The following CELSR3 variants were observed in gnomAD, a reference collection of about 807,000 sequenced individuals.
CELSR3 encodes the protein EGF-like protein 1.
A neutral mutation model predicts 270.0 loss-of-function variants in CELSR3; 73 were observed. The ratio of observed to expected loss-of-function variants is 0.27; its 90% CI spans 0.22 to 0.33. The LOEUF (loss-of-function observed/expected upper bound fraction) is 0.33, where lower values mean the gene tolerates loss of function less well. Among genes scored for constraint, CELSR3 ranks in the 10% least tolerant of loss-of-function variants. The pLI, the probability that CELSR3 is intolerant of heterozygous loss-of-function variation, is 1.00. For missense variants in CELSR3, 3,614 were observed against 4,533.8 expected, an observed-to-expected ratio of 0.80 and a Z score of 5.83; for synonymous variants, 1,780 against 1,905.4, an observed-to-expected ratio of 0.93 and a Z score of 1.71.
intron 27 of CELSR3, chr3:48,643,883 C>T (rs1459699816): frequency 1.3e-5 from 8 of 625,054 alleles, no homozygotes; most frequent in Non-Finnish European, 1.9e-5. Flanking sequence ...CATGAGGACA[C>T]GTGGGGAAAA....
Position 48,654,217 on chromosome 3 carries a change from A to G in CELSR3, c.5152+72T>C. On this transcript the variant is annotated intron_variant, in intron 7 of 34. Transcript: ENST00000164024. The surrounding 1 kb of genome is among the most constrained non-coding windows in gnomAD (Gnocchi z 5.4). ...AAAGGAGACTGGCTTGAAGTCAGGTATGGAGTCCTCCACTTCCTCCCTATG... is the reference window on the plus strand; with the variant it reads ...AAAGGAGACTGGCTTGAAGTCAGGTGTGGAGTCCTCCACTTCCTCCCTATG... 2 of 1,592,004 alleles carry G rather than the reference A, an allele frequency of 1.3e-6. No homozygotes were observed. Among genetic ancestry groups the G allele is most frequent in the South Asian group, 1.1e-5 (1 of 89,176 alleles).
chr3:48,652,122 C>A lies in CELSR3; in HGVS notation c.5752-74G>T. On this transcript the variant is annotated intron_variant, in intron 11 of 34. Transcript: ENST00000164024. This position sits in a 1 kb window ranked among gnomAD's most constrained non-coding sequence, Gnocchi z 4.3. ...GCCTCAAGTACTGCAGAGCCAGCCA[C>A]CCGGTCTGATGATCCTTGACATGCA... The A allele has an allele frequency of 7.2e-7, 1 of 1,385,582 alleles. No homozygotes were observed. Among genetic ancestry groups the A allele is most frequent in the Non-Finnish European group, 9.5e-7 (1 of 1,047,866 alleles). 85.8% of individuals were successfully genotyped at this position (1,385,582 alleles called of 1,614,324 possible).
In CELSR3 at chr3:48,650,432, C is replaced by CCGGGGGGGGGGGGGG; in HGVS notation, c.6472+47_6472+48insCCCCCCCCCCCCCCG. On this transcript the variant is annotated intron_variant, in intron 16 of 34. Coordinates refer to ENST00000164024, the MANE Select transcript of CELSR3 (RefSeq NM_001407.3). The surrounding 1 kb of genome is among the most constrained non-coding windows in gnomAD (Gnocchi z 5.1). ...AGACATGGCTCTAGCAGTCAGAGTA[C>CCGGGGGGGGGGGGGG]AGGCCCACCCCCACCCTCAGTGATG... 6 of 1,208,936 alleles carry CCGGGGGGGGGGGGGG rather than the reference C, an allele frequency of 5.0e-6. No homozygotes were observed. Among genetic ancestry groups the CCGGGGGGGGGGGGGG allele is most frequent in the Admixed American group, 2.0e-5 (1 of 50,854 alleles). The allele number at this position is 1,208,936 out of a possible 1,614,324, so 74.9% of individuals were successfully genotyped here. A position where few individuals can be genotyped will look rare whatever the true frequency, so the allele number is the denominator to read the frequency against.
Position 48,648,247 on chromosome 3 carries a change from T to G in CELSR3, c.6973+19A>C. 6.8e-6 allele frequency: 4 copies of G among 584,568 alleles called. No homozygotes were observed. The highest frequency in any genetic ancestry group is 2.6e-5 in the African/African-American group (1 of 37,910). 36.2% of individuals were successfully genotyped at this position (584,568 alleles called of 1,614,324 possible). A position where few individuals can be genotyped will look rare whatever the true frequency, so the allele number is the denominator to read the frequency against. ...ATGGCCCCCCTGCTGTGCCCCGCCC[T>G]ACCCCACCCACAACGCACTGATATT... On this transcript the variant is annotated intron_variant, in intron 19 of 34. Coordinates refer to ENST00000164024, the MANE Select transcript of CELSR3 (RefSeq NM_001407.3).
rs140447919 is a variant in CELSR3, at chr3:48,656,899, C to A, written c.4198G>T (p.Ala1400Ser). The change falls in exon 2 of 35, where the codon GCG becomes TCG. Residue 1400 changes from alanine to serine, a missense_variant. Ala to Ser is a moderately conservative substitution (Grantham distance 99). This residue lies in a region of CELSR3 where 1,331 missense variants were observed against 1,933.7 expected (regional missense o/e 0.69). Coordinates refer to ENST00000164024, the MANE Select transcript of CELSR3 (RefSeq NM_001407.3). Reference sequence around the variant, plus strand: ...GTGGAGGCCGAGGCCAGGAAGGGCGCGGACGAGTCAAAGCGGAGCACGGAC... The same window carrying A: ...GTGGAGGCCGAGGCCAGGAAGGGCGAGGACGAGTCAAAGCGGAGCACGGAC... ...CVSVLRFDSS[A>S]PFLASASTLF... 95 of 1,609,822 alleles carry A rather than the reference C, an allele frequency of 5.9e-5. No individual in the cohort carries two copies. The highest frequency in any genetic ancestry group is 1.3e-4 in the Admixed American group (8 of 59,394).
chr3:48,650,546 C>T lies in CELSR3; in HGVS notation c.6406G>A (p.Gly2136Ser). 6.2e-7 allele frequency: 1 copy of T among 1,604,080 alleles called. No individual in the cohort carries two copies. Among genetic ancestry groups the T allele is most frequent in the Non-Finnish European group, 8.5e-7 (1 of 1,177,274 alleles). ...YDACPKSLRS[G>S]VWWPQTKFGV... is the part of the protein sequence containing the mutation. ...AACTTTGTCTGGGGCCACCACACAC[C>T]AGATCTCAGGGACTTAGGGCAGGCA... is the stretch of plus-strand genomic sequence containing the variant. Residue 2136 changes from glycine (G) to serine (S), a missense_variant, in exon 16 of 35, where the codon GGT (glycine) becomes AGT (serine). Around this residue, in one of 7 missense-constraint regions of CELSR3, gnomAD observed 1,331 missense variants for 1,933.7 expected, o/e 0.69. Transcript: ENST00000164024. The surrounding 1 kb of genome is among the most constrained non-coding windows in gnomAD (Gnocchi z 5.1).
chr3:48,647,727 G>T, intron 20 of CELSR3, 114 bp downstream of exon 20: 1 of 980,396 alleles, frequency 1.0e-6, no homozygotes, highest in Non-Finnish European at 1.5e-6. Context: ...GATGTGGGAG[G>T]GTCTGACACT....
At position 48,659,635 on chromosome 3, in the gene CELSR3, G is replaced by T. The variant is rs2077051441; in HGVS notation, c.3000C>A (p.Phe1000Leu). 1 of 1,614,058 alleles carries T rather than the reference G, an allele frequency of 6.2e-7. No homozygotes were observed. Among genetic ancestry groups the T allele is most frequent in the African/African-American group, 1.3e-5 (1 of 74,930 alleles). ...AHANGRVQYT[F>L]QNGEDGDGDF... ...CTCCATCCCCATCTTCACCATTCTGGAAAGTGTACTGGACCCGGCCATTGG... is the reference window on the plus strand; with the variant it reads ...CTCCATCCCCATCTTCACCATTCTGTAAAGTGTACTGGACCCGGCCATTGG... Residue 1000 changes from phenylalanine (F) to leucine (L), a missense_variant, in exon 1 of 35, where the codon TTC (phenylalanine) becomes TTA (leucine). Transcript: ENST00000164024. This position sits in a 1 kb window ranked among gnomAD's most constrained non-coding sequence, Gnocchi z 8.1.
Position 48,652,728 on chromosome 3 carries a change from G to A in CELSR3, c.5635-175C>T, listed in dbSNP as rs555328537. On this transcript the variant is annotated intron_variant, in intron 10 of 34. Transcript: ENST00000164024. This position sits in a 1 kb window ranked among gnomAD's most constrained non-coding sequence, Gnocchi z 4.3. ...CCGGGGGTGGGTAGAGACTGGGGCAGAGACTAGAAGGGGCTTCTAGGAATC... is the reference window on the plus strand; with the variant it reads ...CCGGGGGTGGGTAGAGACTGGGGCAAAGACTAGAAGGGGCTTCTAGGAATC... 3.9e-5 allele frequency among the ~76,000 whole-genome samples: 6 copies of A among 152,328 alleles called. No homozygotes were observed. The South Asian group carries it at 1.0e-3, about 26-fold the overall frequency.
In CELSR3 at chr3:48,661,240, G is replaced by C; in HGVS notation, c.1395C>G (p.Asn465Lys). Residue 465 changes from asparagine (N) to lysine (K), a missense_variant, in exon 1 of 35, where the codon AAC becomes AAG. Around this residue, in one of 7 missense-constraint regions of CELSR3, gnomAD observed 354 missense variants for 500.9 expected, o/e 0.71. Coordinates refer to ENST00000164024, the MANE Select transcript of CELSR3 (RefSeq NM_001407.3). ...LRATDGDAPP[N>K]ANLRYRFVGP... ...CCACGAAGCGGTAGCGCAGGTTGGC[G>C]TTGGGGGGCGCGTCGCCGTCAGTGG... is the stretch of plus-strand genomic sequence containing the variant. 6.2e-7 allele frequency: 1 copy of C among 1,608,108 alleles called. No homozygotes were observed.
Position 48,651,928 on chromosome 3 carries a change from G to C in CELSR3, c.5872C>G (p.His1958Asp). 6.2e-7 allele frequency: 1 copy of C among 1,612,354 alleles called. No homozygotes were observed. The highest frequency in any genetic ancestry group is 1.1e-5 in the South Asian group (1 of 90,944). The change falls in exon 12 of 35, where the codon CAC becomes GAC. Residue 1958 changes from histidine (H) to aspartate (D), a missense_variant. This residue lies in a region of CELSR3 where 1,331 missense variants were observed against 1,933.7 expected (regional missense o/e 0.69). Transcript: ENST00000164024. This position sits in a 1 kb window ranked among gnomAD's most constrained non-coding sequence, Gnocchi z 7.4. Reference sequence around the variant, plus strand: ...TGCCAGAGGTCCCGGCAGTCTGCGTGAGGTGGGCAGGGCCCAGAGGCACAG... The same window carrying C: ...TGCCAGAGGTCCCGGCAGTCTGCGTCAGGTGGGCAGGGCCCAGAGGCACAG... ...NACASGPCPP[H>D]ADCRDLWQTF...
rs1281812814 is a variant in CELSR3 at position 48,655,873 on chromosome 3, T to TG, written c.4626-23dup. The TG allele has an allele frequency of 2.1e-6, 1 of 469,012 alleles. No individual in the cohort carries two copies. The highest frequency in any genetic ancestry group is 2.4e-5 in the African/African-American group (1 of 41,670). 29.1% of individuals were successfully genotyped at this position (469,012 alleles called of 1,614,324 possible). On this transcript the variant is annotated intron_variant, in intron 3 of 34. Coordinates refer to ENST00000164024, the MANE Select transcript of CELSR3 (RefSeq NM_001407.3). The surrounding 1 kb of genome is among the most constrained non-coding windows in gnomAD (Gnocchi z 5.8). ...GAACCTGGGCGGGGTGGGAGGGGGTTGCGGGGGTGGGAGCGTCAGGAGCAG... is the reference window on the plus strand; with the variant it reads ...GAACCTGGGCGGGGTGGGAGGGGGTTGGCGGGGGTGGGAGCGTCAGGAGCAG...
Position 48,641,076 on chromosome 3 carries a change from GGGC to G in CELSR3, c.9025+245_9025+247del. 1.9e-6 allele frequency: 1 copy of G among 523,634 alleles called. No homozygotes were observed. The highest frequency in any genetic ancestry group is 3.5e-5 in the Admixed American group (1 of 28,194). The allele number at this position is 523,634 out of a possible 1,614,324, so 32.4% of individuals were successfully genotyped here. On this transcript the variant is annotated intron_variant, in intron 33 of 34. Coordinates refer to ENST00000164024, the MANE Select transcript of CELSR3 (RefSeq NM_001407.3). This position sits in a 1 kb window ranked among gnomAD's most constrained non-coding sequence, Gnocchi z 4.8. Reference sequence around the variant, plus strand: ...CTCCTAGGGTCTCTGAAAAACAGATGGGCTGGGGCAGGAGTGGTCGCCTGTGGT... The same window carrying G: ...CTCCTAGGGTCTCTGAAAAACAGATGTGGGGCAGGAGTGGTCGCCTGTGGT...
Position 48,654,517 on chromosome 3 carries a change from C to T in CELSR3, c.4989-65G>A, listed in dbSNP as rs1424585076. The stretch of plus-strand genomic sequence containing the variant: ...CAGAGTAGAGTTGCTCCTGGGGGGC[C>T]ACAGGAAGCAGGGGGGTAGGACCCA... On this transcript the variant is annotated intron_variant, in intron 6 of 34. Coordinates refer to ENST00000164024, the MANE Select transcript of CELSR3 (RefSeq NM_001407.3). The surrounding 1 kb of genome is among the most constrained non-coding windows in gnomAD (Gnocchi z 5.4). 2.8e-6 allele frequency: 4 copies of T among 1,419,012 alleles called. 1 individual carries two copies. In the South Asian group the frequency reaches 5.6e-5, roughly 20 times the overall value. 87.9% of individuals were successfully genotyped at this position (1,419,012 alleles called of 1,614,324 possible).
chr3:48,655,702 C>T lies in CELSR3; in HGVS notation c.4741+34G>A, dbSNP rs747506624. On this transcript the variant is annotated intron_variant, in intron 4 of 34. Coordinates refer to ENST00000164024, the MANE Select transcript of CELSR3 (RefSeq NM_001407.3). The surrounding 1 kb of genome is among the most constrained non-coding windows in gnomAD (Gnocchi z 5.8). Reference sequence around the variant, plus strand: ...TGGGCCCTGCGTCCTCCAGCACACACGCACCCTTTCGCCGTCACATCCGGG... The same window carrying T: ...TGGGCCCTGCGTCCTCCAGCACACATGCACCCTTTCGCCGTCACATCCGGG... 2.5e-6 allele frequency: 4 copies of T among 1,569,560 alleles called. No homozygotes were observed. The highest frequency in any genetic ancestry group is 3.5e-6 in the Non-Finnish European group (4 of 1,139,934).
Position 48,658,483 on chromosome 3 carries a change from AG to A in CELSR3, c.3748+403del, listed in dbSNP as rs2077040588. On this transcript the variant is annotated intron_variant, in intron 1 of 34. Coordinates refer to ENST00000164024, the MANE Select transcript of CELSR3 (RefSeq NM_001407.3). This position sits in a 1 kb window ranked among gnomAD's most constrained non-coding sequence, Gnocchi z 4.7. ...AGTATTGGTCATTTCCTGCACAGAT[AG>A]GGTAAGCGTCAGACTGGACCCAAAG... Among the ~76,000 whole-genome samples the A allele has an allele frequency of 6.6e-6, 1 of 152,206 alleles. No individual in the cohort carries two copies. Among genetic ancestry groups the A allele is most frequent in the Non-Finnish European group, 1.5e-5 (1 of 68,034 alleles).
Position 48,644,352 on chromosome 3 carries a change from GAGGCAATGAGAGACAGAGAGAGACTA to G in CELSR3, c.8086-83_8086-58del. On this transcript the variant is annotated intron_variant, in intron 26 of 34. Coordinates refer to ENST00000164024, the MANE Select transcript of CELSR3 (RefSeq NM_001407.3). This position sits in a 1 kb window ranked among gnomAD's most constrained non-coding sequence, Gnocchi z 4.8. ...CAGGGCAGAGAGAGAGAGAGAGAGA[GAGGCAATGAGAGACAGAGAGAGACTA>G]AGATTCACGGAGAGAGGCAGAACCA... 6.9e-7 allele frequency: 1 copy of G among 1,457,858 alleles called. No individual in the cohort carries two copies. Among genetic ancestry groups the G allele is most frequent in the East Asian group, 2.3e-5 (1 of 43,958 alleles). The allele number at this position is 1,457,858 out of a possible 1,614,324, so 90.3% of individuals were successfully genotyped here.
At position 48,641,425 on chromosome 3, in the gene CELSR3, C is replaced by T; in HGVS notation, c.8924G>A (p.Gly2975Glu). The T allele has an allele frequency of 6.2e-7, 1 of 1,612,570 alleles. No individual in the cohort carries two copies. Among genetic ancestry groups the T allele is most frequent in the Non-Finnish European group, 8.5e-7 (1 of 1,179,786 alleles). ...LQTWGSERRL[G>E]LDTSKDAANN... is the part of the protein sequence containing the mutation. ...AGCTGCATCCTTGCTGGTGTCCAGC[C>T]CCAGGCGCCTTTCAGAGCCCCAAGT... is the stretch of plus-strand genomic sequence containing the variant. The change falls in exon 33 of 35, where the codon GGG (glycine) becomes GAG (glutamate). Residue 2975 changes from glycine (G) to glutamate (E), a missense_variant. Coordinates refer to ENST00000164024, the MANE Select transcript of CELSR3 (RefSeq NM_001407.3). This position sits in a 1 kb window ranked among gnomAD's most constrained non-coding sequence, Gnocchi z 4.8.
At chr3:48,648,530 G>A in intron 18 of CELSR3, 69 bp from the exon 19 acceptor site, 2 of 1,453,620 alleles carry the variant, frequency 1.4e-6, no homozygotes, top group East Asian at 2.5e-5. Flanking sequence ...GGGCAGGCAT[G>A]AGAGGTCTGG....
Sources: gnomAD v4.1 joint callset for allele counts (sites outside exome capture counted in the v4.1 genomes callset) on GRCh38, gnomAD v4.1.1 for gene constraint, gnomAD v4.1.1 regional missense constraint, Gnocchi (gnomAD v3.1) non-coding constraint, MANE v1.5 for transcripts, NCBI Gene and HGNC (gene_info 2026-07-23, HGNC 2026-07-21) for gene names.